KCNC2: variants seen among roughly 807,000 people sequenced by gnomAD.
The protein encoded by KCNC2 is voltage-gated potassium channel KCNC2.
Under a neutral mutation model 44.5 loss-of-function variants are expected in KCNC2, and 21 were observed. The ratio of observed to expected loss-of-function variants is 0.47; its 90% CI spans 0.33 to 0.68. The LOEUF is 0.68. Among genes scored for constraint, KCNC2 ranks in the 30% least tolerant of loss-of-function variants. The probability of loss-of-function intolerance (pLI) is 0.01; values close to 1 mark genes in which losing one functional copy is unlikely to be tolerated. For missense variants in KCNC2, 589 were observed against 826.2 expected (o/e 0.71, Z 3.52); for synonymous variants, 391 against 339.1 (o/e 1.15, Z -1.68).
chr12:75,093,430 A>T (rs1040214010), intron 2 of KCNC2, among the ~76,000 whole-genome samples: 7 of 151,622 alleles, frequency 4.6e-5, no homozygotes, highest in African/African-American at 1.7e-4. Context: ...ATTCCCTGAG[A>T]TGCAACATCC....
At chr12:75,190,077 T>A (rs1026128167) in intron 2 of KCNC2, among the ~76,000 whole-genome samples, 8 of 152,188 alleles carry the variant, frequency 5.3e-5, no homozygotes, top group African/African-American at 1.9e-4. Context: ...GCTATGCACA[T>A]TAAATATGTT....
At chr12:75,204,291 G>A (rs1383129556) in intron 2 of KCNC2, among the ~76,000 whole-genome samples, 9 of 151,876 alleles carry the variant, frequency 5.9e-5, no homozygotes, top group Non-Finnish European at 1.3e-4. Flanking sequence ...AATCACAGAG[G>A]AGAGGGACAT....
At chr12:75,067,297 A>C (rs776711855) in intron 2 of KCNC2, among the ~76,000 whole-genome samples, 9 of 152,234 alleles carry the variant, frequency 5.9e-5, no homozygotes, top group Non-Finnish European at 1.2e-4. Flanking sequence ...TTTGTGGCAA[A>C]GTCTCTAATT....
chr12:75,145,957 T>TG (rs71770105), intron 2 of KCNC2, among the ~76,000 whole-genome samples: 12,711 of 139,422 alleles, frequency 0.091, 626 homozygotes, highest in Middle Eastern at 0.12. Flanking sequence ...CTTACCAATT[T>TG]TTTTTTTTTT....
intron 2 of KCNC2, among the ~76,000 whole-genome samples, chr12:75,096,152 C>T (rs1885904358): frequency 6.6e-6 from 1 of 151,954 alleles, no homozygotes; most frequent in African/African-American, 2.4e-5. Flanking sequence ...TACATTATGC[C>T]ACTTTCAAGT....
intron 2 of KCNC2, among the ~76,000 whole-genome samples, chr12:75,061,439 C>T (rs958520823): frequency 4.6e-5 from 7 of 151,866 alleles, no homozygotes; most frequent in African/African-American, 1.2e-4. Context: ...AAGATAAAAA[C>T]GTCTATTGGA....
Position 75,160,667 on chromosome 12 carries a change from T to C in KCNC2, c.687+46630A>G, listed in dbSNP as rs763706562. 3.3e-5 allele frequency among the ~76,000 whole-genome samples: 5 copies of C among 151,854 alleles called. 1 individual carries two copies. The highest frequency in any genetic ancestry group is 7.4e-5 in the Non-Finnish European group (5 of 67,864). On this transcript the variant is annotated intron_variant, in intron 2 of 4. Transcript: ENST00000549446. ...GAAGGCGGTTTGTTTGAAAACAATA[T>C]GCTTTTCTGGTAACAATGTTGTGGA... is the stretch of plus-strand genomic sequence containing the variant.
chr12:75,181,424 T>C (rs1269179478), intron 2 of KCNC2, among the ~76,000 whole-genome samples: 1 of 152,138 alleles, frequency 6.6e-6, no homozygotes, highest in Non-Finnish European at 1.5e-5. Flanking sequence ...TATTGCAGAG[T>C]AGCAAAAGTT....
At chr12:75,103,003 G>C (rs996826159) in intron 2 of KCNC2, among the ~76,000 whole-genome samples, 7 of 151,980 alleles carry the variant, frequency 4.6e-5, no homozygotes, top group African/African-American at 1.7e-4. Context: ...AAAGGACCTG[G>C]GGTGTCTCAA....
At chr12:75,162,022 C>G (rs1268388672) in intron 2 of KCNC2, among the ~76,000 whole-genome samples, 1 of 151,422 alleles carries the variant, frequency 6.6e-6, no homozygotes, top group Non-Finnish European at 1.5e-5. Context: ...ATACTTGGAC[C>G]CACCAAGAGC....
chr12:75,054,126 T>G (rs987399521), intron 2 of KCNC2, among the ~76,000 whole-genome samples: 65 of 151,448 alleles, frequency 4.3e-4, no homozygotes, highest in Non-Finnish European at 4.7e-4. Flanking sequence ...TCCCAAGTAC[T>G]GAGGCAGGAG....
At position 75,090,306 on chromosome 12, in the gene KCNC2, T is replaced by C. The variant is rs573736892; in HGVS notation, c.688-38989A>G. Among the ~76,000 whole-genome samples the C allele has an allele frequency of 8.3e-4, 126 of 151,870 alleles. 2 individuals carry two copies. Among genetic ancestry groups the C allele is most frequent in the Middle Eastern group, 3.4e-3 (1 of 294 alleles). ...CAAAATAAATCTTCAAAATCATATT[T>C]TTTTACTTTTTCCTCTTCCTTCTCT... On this transcript the variant is annotated intron_variant, in intron 2 of 4. Transcript: ENST00000549446.
At chr12:75,153,355 C>T (rs527542428) in intron 2 of KCNC2, among the ~76,000 whole-genome samples, 4 of 152,038 alleles carry the variant, frequency 2.6e-5, no homozygotes, top group South Asian at 2.1e-4. Flanking sequence ...TGAAAATTTA[C>T]GTGTAACATT....
At chr12:75,164,722 A>G (rs1353856983) in intron 2 of KCNC2, among the ~76,000 whole-genome samples, 2 of 151,660 alleles carry the variant, frequency 1.3e-5, no homozygotes, top group Non-Finnish European at 3.0e-5. Flanking sequence ...TCTCTTTCCA[A>G]ATCTATTTAA....
At chr12:75,070,449 C>T (rs1883286364) in intron 2 of KCNC2, among the ~76,000 whole-genome samples, 1 of 36,550 alleles carries the variant, frequency 2.7e-5, no homozygotes, top group South Asian at 1.2e-3. Flanking sequence ...AAAACTCCAT[C>T]TCAAAAAAAA....
At chr12:75,072,359 G>T (rs941026687) in intron 2 of KCNC2, among the ~76,000 whole-genome samples, 1 of 152,064 alleles carries the variant, frequency 6.6e-6, no homozygotes, top group Non-Finnish European at 1.5e-5. Flanking sequence ...TCTAATACAG[G>T]TTATTCAAAC....
chr12:75,088,204 C>A (rs1885185241), intron 2 of KCNC2, among the ~76,000 whole-genome samples: 1 of 151,990 alleles, frequency 6.6e-6, no homozygotes, highest in East Asian at 1.9e-4. Flanking sequence ...CAGGGTCTGG[C>A]ATGTAGTAAA....
chr12:75,042,600 G>A lies in KCNC2; in HGVS notation c.*505C>T. The A allele has an allele frequency of 7.5e-7, 1 of 1,332,636 alleles. No individual in the cohort carries two copies. The allele number at this position is 1,332,636 out of a possible 1,614,324, so 82.6% of individuals were successfully genotyped here. A position where few individuals can be genotyped will look rare whatever the true frequency, so the allele number is the denominator to read the frequency against. ...TTCGATGCAAGTACACATATCCTGAGCTATCCACAGTCCCCGAACTCTGCA... is the reference window on the plus strand; with the variant it reads ...TTCGATGCAAGTACACATATCCTGAACTATCCACAGTCCCCGAACTCTGCA... On this transcript the variant is annotated 3_prime_UTR_variant, in exon 5 of 5. Transcript: ENST00000549446.
intron 2 of KCNC2, among the ~76,000 whole-genome samples, chr12:75,098,202 T>C (rs1288125082): frequency 2.0e-5 from 3 of 152,166 alleles, no homozygotes; most frequent in African/African-American, 7.2e-5. Flanking sequence ...AAACACATTA[T>C]CAACATTTAA....
Sources: gnomAD v4.1 joint callset for allele counts (sites outside exome capture counted in the v4.1 genomes callset) on GRCh38, gnomAD v4.1.1 for gene constraint, MANE v1.5 for transcripts, NCBI Gene and HGNC (gene_info 2026-07-23, HGNC 2026-07-21) for gene names.